PRKACB: variants seen among roughly 807,000 people sequenced by gnomAD.
PRKACB encodes the protein protein kinase cAMP-activated catalytic subunit beta.
Under a neutral mutation model 51.4 loss-of-function variants are expected in PRKACB, and 16 were observed. The observed-to-expected ratio is 0.31, with a 90% CI of 0.21 to 0.47. PRKACB has a LOEUF of 0.47. Among genes scored for constraint, PRKACB ranks in the 20% least tolerant of loss-of-function variants. PRKACB has a pLI of 1.00. For synonymous variants in PRKACB, 147 were observed against 154.4 expected, an observed-to-expected ratio of 0.95 and a Z score of 0.35; for missense variants, 309 against 464.5, an observed-to-expected ratio of 0.67 and a Z score of 3.08.
At chr1:84,187,508 T>G (rs890699564) in intron 5 of PRKACB, among the ~76,000 whole-genome samples, 17 of 152,158 alleles carry the variant, frequency 1.1e-4, no homozygotes, top group African/African-American at 3.4e-4. Flanking sequence ...TTGGGCAGTT[T>G]GATGAACTTT....
chr1:84,161,631 T>C (rs2100700446), intron 1 of PRKACB, among the ~76,000 whole-genome samples: 1 of 152,036 alleles, frequency 6.6e-6, no homozygotes, highest in African/African-American at 2.4e-5. Context: ...TTAATATTTC[T>C]TTAGAGATTA....
intron 5 of PRKACB, among the ~76,000 whole-genome samples, chr1:84,190,450 C>T (rs752892942): frequency 2.0e-5 from 3 of 151,208 alleles, no homozygotes; most frequent in Non-Finnish European, 4.4e-5. Flanking sequence ...TTTTTATTAG[C>T]CAATTTTATA....
chr1:84,123,917 T>C (rs765565145), intron 1 of PRKACB, among the ~76,000 whole-genome samples: 16 of 152,160 alleles, frequency 1.1e-4, no homozygotes, highest in Non-Finnish European at 2.1e-4. Context: ...ATTTTTACAC[T>C]CAATAATATT....
intron 1 of PRKACB, among the ~76,000 whole-genome samples, chr1:84,095,838 G>A (rs1648885687): frequency 6.6e-6 from 1 of 151,392 alleles, no homozygotes; most frequent in Admixed American, 6.6e-5. Context: ...TGATTTTTGA[G>A]TTTCTACTTG....
chr1:84,101,504 T>C (rs1649348408), intron 1 of PRKACB, among the ~76,000 whole-genome samples: 1 of 148,392 alleles, frequency 6.7e-6, no homozygotes, highest in African/African-American at 2.6e-5. Flanking sequence ...TGGTGGTTCA[T>C]TTTCCCAAGC....
chr1:84,221,079 CT>C (rs201275173), intron 9 of PRKACB, among the ~76,000 whole-genome samples: 226 of 152,090 alleles, frequency 1.5e-3, no homozygotes, highest in East Asian at 0.011. Context: ...CTGGGCTTTT[CT>C]TTAATGTTTG....
At chr1:84,087,361 C>T in intron 1 of PRKACB, among the ~76,000 whole-genome samples, 1 of 151,160 alleles carries the variant, frequency 6.6e-6, no homozygotes, top group South Asian at 2.1e-4. Flanking sequence ...GACTATTCTT[C>T]CAAACTTATA....
chr1:84,164,942 C>A, intron 1 of PRKACB: 1 of 1,534,452 alleles, frequency 6.5e-7, no homozygotes, highest in Non-Finnish European at 8.8e-7. Context: ...TAGAGATTAG[C>A]ATAACTCCCT....
At chr1:84,195,353 G>A (rs960780482) in intron 5 of PRKACB, among the ~76,000 whole-genome samples, 1 of 152,094 alleles carries the variant, frequency 6.6e-6, no homozygotes, top group Non-Finnish European at 1.5e-5. Context: ...GCAAAAAAAG[G>A]CAGCACATAA....
chr1:84,145,776 C>T (rs1370540682), intron 1 of PRKACB, among the ~76,000 whole-genome samples: 1 of 151,842 alleles, frequency 6.6e-6, no homozygotes, highest in Non-Finnish European at 1.5e-5. Flanking sequence ...TAAACTTTAC[C>T]ATGTAACAAA....
At chr1:84,143,738 G>A (rs188564990), upstream of PRKACB, among the ~76,000 whole-genome samples, 226 of 152,228 alleles carry the variant, frequency 1.5e-3, 2 homozygotes, top group Admixed American at 3.9e-3. Context: ...TGTAGTTCCT[G>A]TATGTATTAG....
intron 1 of PRKACB, among the ~76,000 whole-genome samples, chr1:84,153,001 A>G (rs1238588899): frequency 6.6e-6 from 1 of 152,084 alleles, no homozygotes; most frequent in Admixed American, 6.6e-5. Context: ...GAGATGTGCA[A>G]TTCTTCCTTT....
intron 1 of PRKACB, among the ~76,000 whole-genome samples, chr1:84,099,029 T>TATG (rs1649140413): frequency 6.6e-6 from 1 of 151,998 alleles, no homozygotes; most frequent in Non-Finnish European, 1.5e-5. Flanking sequence ...GGGCTAAGGG[T>TATG]ATGATCTTTG....
intron 5 of PRKACB, among the ~76,000 whole-genome samples, chr1:84,191,589 A>G (rs1666806976): frequency 2.0e-5 from 3 of 152,150 alleles, no homozygotes; most frequent in African/African-American, 7.2e-5. Flanking sequence ...AAAAATCCAA[A>G]TACTTCATGT....
chr1:84,214,169 A>G lies in PRKACB; in HGVS notation c.923A>G (p.His308Arg). 6.2e-7 allele frequency: 1 copy of G among 1,609,632 alleles called. No homozygotes were observed. The highest frequency in any genetic ancestry group is 1.7e-5 in the Admixed American group (1 of 59,238). ...IVSGKVRFPS[H>R]FSSDLKDLLR... ...TTTGTGTAGGTCCGATTCCCATCCC[A>G]CTTCAGTTCAGATCTCAAGGACCTT... Residue 308 changes from histidine to arginine, a missense_variant, in exon 9 of 10, where the codon CAC becomes CGC. Coordinates refer to ENST00000370685, the MANE Select transcript of PRKACB (RefSeq NM_182948.4).
chr1:84,204,588 C>A, intron 8 of PRKACB: 1 of 1,412,764 alleles, frequency 7.1e-7, no homozygotes, highest in South Asian at 1.7e-5. Context: ...GACTAAAGGT[C>A]ATATGAAGAA....
intron 5 of PRKACB, among the ~76,000 whole-genome samples, chr1:84,196,127 A>T (rs1237458957): frequency 1.3e-5 from 2 of 152,188 alleles, no homozygotes; most frequent in Non-Finnish European, 1.5e-5. Flanking sequence ...TGTAACAGGA[A>T]CTATTACAAA....
intron 1 of PRKACB, among the ~76,000 whole-genome samples, chr1:84,173,999 C>T (rs554906155): frequency 5.9e-5 from 9 of 151,844 alleles, no homozygotes; most frequent in Admixed American, 4.6e-4. Flanking sequence ...ATCCTATTCC[C>T]CTCTCCCTTA....
chr1:84,168,968 T>A lies in PRKACB; in HGVS notation c.188-10209T>A, dbSNP rs575711019. Among the ~76,000 whole-genome samples the A allele has an allele frequency of 1.9e-4, 29 of 151,746 alleles. 1 individual carries two copies. In the South Asian group the frequency reaches 6.0e-3, roughly 31 times the overall value. On this transcript the variant is annotated intron_variant, in intron 1 of 9. Transcript: ENST00000370685. Reference sequence around the variant, plus strand: ...CCATTTATGAAGGTCACTGGATTACTTACCTGATAATGTAAATATGTGTAC... The same window carrying A: ...CCATTTATGAAGGTCACTGGATTACATACCTGATAATGTAAATATGTGTAC...
Sources: allele counts gnomAD v4.1 joint callset (sites outside exome capture counted in the v4.1 genomes callset), GRCh38; gene constraint gnomAD v4.1.1; transcripts MANE v1.5; gene names NCBI Gene and HGNC (gene_info 2026-07-23, HGNC 2026-07-21).